FOXJ3: variants seen among roughly 807,000 people sequenced by gnomAD.
FOXJ3 encodes the protein forkhead box J3.
A neutral mutation model predicts 76.1 loss-of-function variants in FOXJ3; 22 were observed. The ratio of observed to expected loss-of-function variants is 0.29; its 90% CI spans 0.21 to 0.41. The LOEUF (loss-of-function observed/expected upper bound fraction) is 0.41. Ranked by LOEUF, FOXJ3 falls within the 10% of genes least tolerant of loss-of-function variation. The pLI is 1.00. For synonymous variants in FOXJ3, 269 were observed against 261.2 expected (o/e 1.03, Z -0.29); for missense variants, 613 against 762.1 (o/e 0.80, Z 2.30).
At chr1:42,322,008 C>G (rs1038002694) in intron 1 of FOXJ3, among the ~76,000 whole-genome samples, 13 of 151,986 alleles carry the variant, frequency 8.6e-5, no homozygotes, top group Non-Finnish European at 1.9e-4. Flanking sequence ...TCCCATAATG[C>G]CTAGCACATG....
At chr1:42,189,440 G>T in intron 9 of FOXJ3, 36 bp from the exon 10 acceptor site, 2 of 1,427,948 alleles carry the variant, frequency 1.4e-6, no homozygotes, top group Non-Finnish European at 2.0e-6. Flanking sequence ...TTCCTGGATG[G>T]TGAAAGGGTG....
At chr1:42,334,426 G>A (rs1309308024) in intron 1 of FOXJ3, among the ~76,000 whole-genome samples, 4 of 152,152 alleles carry the variant, frequency 2.6e-5, no homozygotes, top group Non-Finnish European at 5.9e-5. Flanking sequence ...GGGAGGGGGG[G>A]CGGGAGACAC....
intron 2 of FOXJ3, among the ~76,000 whole-genome samples, chr1:42,305,163 G>A (rs77425918): frequency 0.023 from 3,558 of 152,222 alleles, 44 homozygotes; most frequent in Non-Finnish European, 0.038. Context: ...CTGATCATCA[G>A]GGAAATGCAA....
At chr1:42,197,724 G>A (rs1431521942) in intron 7 of FOXJ3, among the ~76,000 whole-genome samples, 1 of 151,462 alleles carries the variant, frequency 6.6e-6, no homozygotes, top group Non-Finnish European at 1.5e-5. Context: ...TATCGCCCAG[G>A]CTGGAGTGGA....
In FOXJ3 at chr1:42,199,187, C is replaced by G; in HGVS notation, c.674G>C (p.Arg225Pro). 6.2e-7 allele frequency: 1 copy of G among 1,612,520 alleles called. No individual in the cohort carries two copies. The highest frequency in any genetic ancestry group is 8.5e-7 in the Non-Finnish European group (1 of 1,178,616). ...TGAGAGACTGTTGTTAAGGCTACTGCGTGGGCTATCACTACCATCCTGATC... is the reference window on the plus strand; with the variant it reads ...TGAGAGACTGTTGTTAAGGCTACTGGGTGGGCTATCACTACCATCCTGATC... Reference protein sequence around the residue: ...NTDQDGSDSPRSSLNNSLSDQ... With the variant: ...NTDQDGSDSPPSSLNNSLSDQ... The change falls in exon 7 of 13, where the codon CGC becomes CCC. Residue 225 changes from arginine to proline, a missense_variant. Transcript: ENST00000361346.
At chr1:42,293,282 C>A (rs199941706) in intron 2 of FOXJ3, among the ~76,000 whole-genome samples, 9 of 149,048 alleles carry the variant, frequency 6.0e-5, no homozygotes, top group Non-Finnish European at 3.0e-5. Flanking sequence ...CTTGCTCTAA[C>A]AAAAAAAAAA....
rs1646235013 is a variant in FOXJ3, at chr1:42,177,420, T to C, written c.*2290A>G. 1 of 152,680 alleles carries C rather than the reference T, an allele frequency of 6.5e-6. No homozygotes were observed. 9.5% of individuals were successfully genotyped at this position (152,680 alleles called of 1,614,324 possible). ...CCAAATTGTTTAAAGTGCACATTGC[T>C]ACCCAAGCAATTAAAACAGTTTCAA... is the stretch of plus-strand genomic sequence containing the variant. On this transcript the variant is annotated 3_prime_UTR_variant, in exon 13 of 13. Transcript: ENST00000361346.
At chr1:42,196,040 CT>C (rs1377043819) in intron 7 of FOXJ3, among the ~76,000 whole-genome samples, 4 of 152,242 alleles carry the variant, frequency 2.6e-5, no homozygotes, top group African/African-American at 9.6e-5. Context: ...AGTTTCTCAT[CT>C]ACCTCCCTGG....
At chr1:42,323,989 C>T (rs1655584427) in intron 1 of FOXJ3, among the ~76,000 whole-genome samples, 1 of 146,738 alleles carries the variant, frequency 6.8e-6, no homozygotes, top group Non-Finnish European at 1.5e-5. Flanking sequence ...GAATGATTAA[C>T]TCTTAAAATT....
chr1:42,315,261 A>G (rs1285421677), intron 1 of FOXJ3: 1 of 213,744 alleles, frequency 4.7e-6, no homozygotes, highest in East Asian at 1.8e-4. Context: ...TGATAGTGGT[A>G]ATGGTTGCAC....
intron 4 of FOXJ3, among the ~76,000 whole-genome samples, chr1:42,257,815 T>C (rs1650723715): frequency 6.6e-6 from 1 of 152,128 alleles, no homozygotes; most frequent in East Asian, 1.9e-4. Context: ...TTAAATGTTG[T>C]TATTCCCATC....
At chr1:42,209,350 G>C (rs1646921467) in intron 5 of FOXJ3, among the ~76,000 whole-genome samples, 1 of 152,150 alleles carries the variant, frequency 6.6e-6, no homozygotes, top group Non-Finnish European at 1.5e-5. Context: ...CCTCCCACTT[G>C]GAAAAATAAA....
chr1:42,180,845 G>A (rs1646304048), intron 12 of FOXJ3, among the ~76,000 whole-genome samples: 1 of 152,170 alleles, frequency 6.6e-6, no homozygotes. Flanking sequence ...AGCTGAGGTA[G>A]GAGGGTTAGG....
At chr1:42,201,496 A>G (rs1029548686) in intron 6 of FOXJ3, among the ~76,000 whole-genome samples, 7 of 152,234 alleles carry the variant, frequency 4.6e-5, no homozygotes, top group African/African-American at 1.4e-4. Context: ...TGGAGTATAC[A>G]TGTAGCACTT....
chr1:42,207,815 C>G (rs1646889357), intron 5 of FOXJ3, among the ~76,000 whole-genome samples: 1 of 152,122 alleles, frequency 6.6e-6, no homozygotes, highest in Non-Finnish European at 1.5e-5. Flanking sequence ...AGCTAGAATC[C>G]AGCACTTAGG....
intron 4 of FOXJ3, among the ~76,000 whole-genome samples, chr1:42,247,727 G>A (rs1203960804): frequency 6.6e-6 from 1 of 152,132 alleles, no homozygotes; most frequent in African/African-American, 2.4e-5. Flanking sequence ...TTAAACATAT[G>A]ACCCAGCAAT....
chr1:42,190,860 T>C (rs1646527140), intron 9 of FOXJ3, among the ~76,000 whole-genome samples: 1 of 152,216 alleles, frequency 6.6e-6, no homozygotes, highest in South Asian at 2.1e-4. Context: ...AAATGTCTGC[T>C]AATTTTAGTT....
At chr1:42,309,082 T>G (rs963568501) in intron 2 of FOXJ3, among the ~76,000 whole-genome samples, 2 of 151,182 alleles carry the variant, frequency 1.3e-5, no homozygotes, top group Non-Finnish European at 2.9e-5. Context: ...ATGTAAAAAC[T>G]ACAAACGTAA....
At chr1:42,305,593 C>G (rs1218198597) in intron 2 of FOXJ3, among the ~76,000 whole-genome samples, 1 of 152,034 alleles carries the variant, frequency 6.6e-6, no homozygotes, top group Admixed American at 6.6e-5. Flanking sequence ...GGTCATTATG[C>G]TAAGTGAAAT....
Sources: gnomAD v4.1 joint callset for allele counts (sites outside exome capture counted in the v4.1 genomes callset) on GRCh38, gnomAD v4.1.1 for gene constraint, MANE v1.5 for transcripts, NCBI Gene and HGNC (gene_info 2026-07-23, HGNC 2026-07-21) for gene names.